The following GRIN2A variants were observed in gnomAD, a reference collection of about 807,000 sequenced individuals.
GRIN2A encodes glutamate ionotropic receptor NMDA type subunit 2A, also known as glutamate receptor ionotropic, NMDA 2A.
A neutral mutation model predicts 113.4 loss-of-function variants in GRIN2A; 22 were observed. The ratio of observed to expected loss-of-function variants is 0.19; its 90% CI spans 0.14 to 0.28. The LOEUF (loss-of-function observed/expected upper bound fraction) is 0.28, where lower values mean the gene tolerates loss of function less well. Among genes scored for constraint, GRIN2A ranks in the 10% least tolerant of loss-of-function variants. The pLI is 1.00. For synonymous variants in GRIN2A, 827 were observed against 738.4 expected (o/e 1.12, Z -1.94); for missense variants, 1,502 against 1,887.0 (o/e 0.80, Z 3.78).
At chr16:10,110,555 C>A (rs946960554) in intron 2 of GRIN2A, among the ~76,000 whole-genome samples, 1 of 152,174 alleles carries the variant, frequency 6.6e-6, no homozygotes, top group Non-Finnish European at 1.5e-5. Flanking sequence ...CCAGCCAGGA[C>A]TGGGGGGTGC....
Position 9,938,435 on chromosome 16 carries a change from G to A in GRIN2A, c.531C>T (p.Phe177=), listed in dbSNP as rs2141632501. 1 of 1,613,902 alleles carries A rather than the reference G, an allele frequency of 6.2e-7. No homozygotes were observed. The highest frequency in any genetic ancestry group is 8.5e-7 in the Non-Finnish European group (1 of 1,179,858). ...WHVFSLVTTI[F]PGYREFISFV... ...AGCTGATGAATTCCCTGTAGCCAGGGAAGATAGTGGTCACCAGGGAGAAGA... is the reference window on the plus strand; with the variant it reads ...AGCTGATGAATTCCCTGTAGCCAGGAAAGATAGTGGTCACCAGGGAGAAGA... The change falls in exon 3 of 13, where the codon TTC becomes TTT. Residue 177 remains phenylalanine (F), a synonymous_variant. Coordinates refer to ENST00000330684, the MANE Select transcript of GRIN2A (RefSeq NM_001134407.3).
intron 7 of GRIN2A, 27 bp from the exon 8 acceptor site, chr16:9,834,257 A>G (rs750379658): frequency 1.9e-6 from 3 of 1,613,244 alleles, no homozygotes; most frequent in Non-Finnish European, 2.5e-6. Flanking sequence ...AAAGGAATGG[A>G]AACGTGGTTA....
At chr16:10,117,074 A>G (rs2048742016) in intron 2 of GRIN2A, among the ~76,000 whole-genome samples, 1 of 152,052 alleles carries the variant, frequency 6.6e-6, no homozygotes, top group Admixed American at 6.6e-5. Context: ...AAAAAAAAAA[A>G]AAGTAGCTAA....
chr16:10,077,526 G>C (rs73510676), intron 2 of GRIN2A, among the ~76,000 whole-genome samples: 4,405 of 152,234 alleles, frequency 0.029, 219 homozygotes, highest in African/African-American at 0.1. Flanking sequence ...GTTTCCACCT[G>C]TGCCCTCTTA....
In GRIN2A at chr16:9,884,998, A is replaced by G. The variant is rs561574364; in HGVS notation, c.1122+5988T>C. The stretch of plus-strand genomic sequence containing the variant: ...GTGATCCACCCACCTCGGCCTCCCA[A>G]AGTGCTGGGATTACAGGTGTGAGCC... On this transcript the variant is annotated intron_variant, in intron 4 of 12. Coordinates refer to ENST00000330684, the MANE Select transcript of GRIN2A (RefSeq NM_001134407.3). Among the ~76,000 whole-genome samples the G allele has an allele frequency of 4.2e-4, 64 of 151,994 alleles. No individual in the cohort carries two copies. The South Asian group carries it at 0.013, about 31-fold the overall frequency.
chr16:9,912,205 A>G (rs894624014), intron 3 of GRIN2A, among the ~76,000 whole-genome samples: 5 of 152,104 alleles, frequency 3.3e-5, no homozygotes, highest in African/African-American at 1.2e-4. Context: ...GTTGGTAATT[A>G]TGGCAATGAT....
chr16:10,096,601 C>A lies in GRIN2A; in HGVS notation c.414+83397G>T, dbSNP rs1254411144. On this transcript the variant is annotated intron_variant, in intron 2 of 12. Coordinates refer to ENST00000330684, the MANE Select transcript of GRIN2A (RefSeq NM_001134407.3). ...TACTCTCTTGGCCGGTCAGCATAGACTTCCAGCCCCACATCACCTTTCCCA... is the reference window on the plus strand; with the variant it reads ...TACTCTCTTGGCCGGTCAGCATAGAATTCCAGCCCCACATCACCTTTCCCA... Among the ~76,000 whole-genome samples the A allele has an allele frequency of 2.1e-5, 3 of 143,862 alleles. No individual in the cohort carries two copies. In the East Asian group the frequency reaches 5.9e-4, roughly 28 times the overall value. 94.4% of individuals were successfully genotyped at this position (143,862 alleles called of 152,430 possible).
intron 11 of GRIN2A, among the ~76,000 whole-genome samples, chr16:9,778,343 A>C (rs1208713862): frequency 1.3e-5 from 2 of 152,184 alleles, no homozygotes; most frequent in Non-Finnish European, 2.9e-5. Flanking sequence ...CACACAAATA[A>C]AGACGGTCAA....
chr16:9,882,904 C>A (rs556295024), intron 4 of GRIN2A, among the ~76,000 whole-genome samples: 3 of 152,198 alleles, frequency 2.0e-5, no homozygotes, highest in Non-Finnish European at 4.4e-5. Flanking sequence ...AAGCAGACAC[C>A]TTTCTAAGGG....
Position 9,755,113 on chromosome 16 carries a change from T to C in GRIN2A, c.*8036A>G. 1 of 198,472 alleles carries C rather than the reference T, an allele frequency of 5.0e-6. No individual in the cohort carries two copies. The highest frequency in any genetic ancestry group is 1.0e-5 in the Non-Finnish European group (1 of 95,838). The allele number at this position is 198,472 out of a possible 1,614,324, so 12.3% of individuals were successfully genotyped here. ...GTTCTAGGATTGCAAAAATGCAAAC[T>C]CATTGTTTCACTGACATAGTAAGTA... On this transcript the variant is annotated 3_prime_UTR_variant, in exon 13 of 13. Transcript: ENST00000330684.
intron 4 of GRIN2A, among the ~76,000 whole-genome samples, chr16:9,853,685 T>A (rs774055468): frequency 6.6e-6 from 1 of 152,226 alleles, no homozygotes; most frequent in African/African-American, 2.4e-5. Flanking sequence ...TATGTCCATA[T>A]ATAACCTGCC....
intron 2 of GRIN2A, among the ~76,000 whole-genome samples, chr16:10,160,096 G>A (rs2049780702): frequency 6.6e-6 from 1 of 152,246 alleles, no homozygotes; most frequent in Non-Finnish European, 1.5e-5. Flanking sequence ...AGGGCTGTAA[G>A]AGGGTAAAAG....
chr16:9,954,985 T>C (rs572540705), intron 2 of GRIN2A, among the ~76,000 whole-genome samples: 1 of 152,294 alleles, frequency 6.6e-6, no homozygotes, highest in South Asian at 2.1e-4. Flanking sequence ...GTGGTTTCCA[T>C]CACCTGGGAT....
intron 2 of GRIN2A, among the ~76,000 whole-genome samples, chr16:10,108,199 A>T (rs944527524): frequency 1.3e-5 from 2 of 152,198 alleles, no homozygotes; most frequent in African/African-American, 4.8e-5. Flanking sequence ...AGGCCTCACA[A>T]TCATGGTGGA....
intron 2 of GRIN2A, among the ~76,000 whole-genome samples, chr16:10,041,883 G>T (rs2047173185): frequency 6.6e-6 from 1 of 152,154 alleles, no homozygotes; most frequent in Non-Finnish European, 1.5e-5. Flanking sequence ...GCAATCTGCA[G>T]TCACCCCCTG....
In GRIN2A at chr16:10,137,679, T is replaced by C. The variant is rs575841654; in HGVS notation, c.414+42319A>G. On this transcript the variant is annotated intron_variant, in intron 2 of 12. Transcript: ENST00000330684. ...CCATTTTTCTTCTTTTCAATAAAAA[T>C]TCACTGTGCACCTATTCTGTGTGAG... is the stretch of plus-strand genomic sequence containing the variant. Among the ~76,000 whole-genome samples, 13 of 152,322 alleles carry C rather than the reference T, an allele frequency of 8.5e-5. No homozygotes were observed. The South Asian group carries it at 2.7e-3, about 32-fold the overall frequency.
At chr16:9,796,399 C>T (rs1902983477) in intron 11 of GRIN2A, among the ~76,000 whole-genome samples, 1 of 152,118 alleles carries the variant, frequency 6.6e-6, no homozygotes. Context: ...GGTGATTATC[C>T]ACCCCTGTGA....
intron 2 of GRIN2A, chr16:9,970,956 T>G (rs972835702): frequency 2.0e-5 from 3 of 152,436 alleles, no homozygotes; most frequent in African/African-American, 7.2e-5. Context: ...AAAGGAAGCC[T>G]TTCTGGAGAA....
intron 4 of GRIN2A, among the ~76,000 whole-genome samples, chr16:9,876,570 C>G (rs192643415): frequency 3.3e-5 from 5 of 152,110 alleles, no homozygotes; most frequent in South Asian, 4.2e-4. Context: ...GATTTTGTAG[C>G]CCCCACAGCC....
Sources: gnomAD v4.1 joint callset for allele counts (sites outside exome capture counted in the v4.1 genomes callset) on GRCh38, gnomAD v4.1.1 for gene constraint, MANE v1.5 for transcripts, NCBI Gene and HGNC (gene_info 2026-07-23, HGNC 2026-07-21) for gene names.